The following ASIC2 variants were observed in gnomAD, a reference collection of about 807,000 sequenced individuals.
ASIC2 encodes acid sensing ion channel subunit 2, also known as acid-sensing ion channel 2.
A neutral mutation model predicts 57.3 loss-of-function variants in ASIC2; 25 were observed. The observed-to-expected ratio is 0.44, with a 90% CI of 0.32 to 0.61. The LOEUF is 0.61. Among genes scored for constraint, ASIC2 ranks in the 20% least tolerant of loss-of-function variants. The pLI is 0.06. For synonymous variants in ASIC2, 319 were observed against 307.5 expected, an observed-to-expected ratio of 1.04 and a Z score of -0.39; for missense variants, 641 against 738.1, an observed-to-expected ratio of 0.87 and a Z score of 1.52.
chr17:33,997,133 T>A (rs1906185737), intron 1 of ASIC2, among the ~76,000 whole-genome samples: 1 of 151,778 alleles, frequency 6.6e-6, no homozygotes, highest in Non-Finnish European at 1.5e-5. Flanking sequence ...CTAAATTTAT[T>A]TATTTATTTT....
In ASIC2 at chr17:33,494,310, C is replaced by T. The variant is rs115330274; in HGVS notation, c.556-382243G>A. Reference sequence around the variant, plus strand: ...AGACAGTGACTTCTGAGATGAGGGCCTGTTAATAGGTGACTCCTCCATCAT... The same window carrying T: ...AGACAGTGACTTCTGAGATGAGGGCTTGTTAATAGGTGACTCCTCCATCAT... On this transcript the variant is annotated intron_variant, in intron 1 of 9. Transcript: ENST00000359872. Among the ~76,000 whole-genome samples the T allele has an allele frequency of 5.2e-3, 793 of 152,290 alleles. 8 individuals are homozygous for T. Among genetic ancestry groups the T allele is most frequent in the African/African-American group, 0.018 (768 of 41,550 alleles).
intron 1 of ASIC2, among the ~76,000 whole-genome samples, chr17:34,034,936 C>A (rs1311162539): frequency 6.6e-6 from 1 of 152,014 alleles, no homozygotes; most frequent in Non-Finnish European, 1.5e-5. Context: ...GGCCATACTG[C>A]CCAAGGTAAT....
chr17:33,494,914 G>A (rs192097369), intron 1 of ASIC2, among the ~76,000 whole-genome samples: 8 of 152,318 alleles, frequency 5.3e-5, no homozygotes, highest in African/African-American at 1.9e-4. Flanking sequence ...GATCCTGGTG[G>A]CCTCTGACCT....
At chr17:34,012,904 AAC>A (rs1348241842) in intron 1 of ASIC2, among the ~76,000 whole-genome samples, 1 of 152,218 alleles carries the variant, frequency 6.6e-6, no homozygotes, top group Non-Finnish European at 1.5e-5. Context: ...GACACCTAGC[AAC>A]AGTTGCCATG....
At chr17:33,270,267 G>T (rs1904431732) in intron 1 of ASIC2, among the ~76,000 whole-genome samples, 1 of 152,112 alleles carries the variant, frequency 6.6e-6, no homozygotes, top group Admixed American at 6.5e-5. Flanking sequence ...ATTTTGAAAT[G>T]ATAAGCCTCC....
chr17:33,823,882 T>C (rs974640891), intron 1 of ASIC2, among the ~76,000 whole-genome samples: 4 of 152,222 alleles, frequency 2.6e-5, no homozygotes, highest in African/African-American at 9.6e-5. Flanking sequence ...GTGTCTGATC[T>C]GTTGAGGCTG....
intron 1 of ASIC2, among the ~76,000 whole-genome samples, chr17:34,146,327 T>C (rs183154080): frequency 3.3e-5 from 5 of 152,308 alleles, no homozygotes; most frequent in African/African-American, 7.2e-5. Context: ...GCCTAGACTA[T>C]TGTCCATGTT....
chr17:33,578,991 A>T (rs1916753126), intron 1 of ASIC2, among the ~76,000 whole-genome samples: 1 of 152,028 alleles, frequency 6.6e-6, no homozygotes, highest in South Asian at 2.1e-4. Context: ...GCGGTTATAG[A>T]ATGCAGGTTA....
At chr17:33,911,080 A>G (rs1411847166) in intron 1 of ASIC2, among the ~76,000 whole-genome samples, 4 of 152,240 alleles carry the variant, frequency 2.6e-5, no homozygotes, top group Non-Finnish European at 4.4e-5. Flanking sequence ...GCGAGCGCCT[A>G]TTGGGAATAA....
intron 1 of ASIC2, among the ~76,000 whole-genome samples, chr17:33,797,923 C>T (rs572748033): frequency 4.6e-5 from 7 of 152,282 alleles, no homozygotes; most frequent in African/African-American, 1.7e-4. Context: ...GACTAGCCCC[C>T]ACACATAGGC....
chr17:33,193,537 A>C (rs781048641), intron 1 of ASIC2, among the ~76,000 whole-genome samples: 3 of 152,130 alleles, frequency 2.0e-5, no homozygotes, highest in African/African-American at 4.8e-5. Context: ...TGGAATCTGC[A>C]CCCACCATGC....
intron 1 of ASIC2, among the ~76,000 whole-genome samples, chr17:33,923,696 T>C (rs563521415): frequency 1.3e-5 from 2 of 152,174 alleles, no homozygotes; most frequent in African/African-American, 4.8e-5. Flanking sequence ...TAATGTCAGT[T>C]GGAAAGGGAA....
intron 1 of ASIC2, among the ~76,000 whole-genome samples, chr17:33,617,707 G>A (rs1905651217): frequency 6.6e-6 from 1 of 152,082 alleles, no homozygotes; most frequent in African/African-American, 2.4e-5. Context: ...TGAAATAAAT[G>A]GTACTTGCAT....
intron 1 of ASIC2, among the ~76,000 whole-genome samples, chr17:34,096,856 CAAAAAAAAAAAAAA>C (rs71286247): frequency 3.7e-4 from 11 of 30,112 alleles, no homozygotes; most frequent in Admixed American, 8.3e-4. Flanking sequence ...GACTCCATCT[CAAAAAAAAAAAAAA>C]AAAAAAAAAA....
intron 3 of ASIC2, among the ~76,000 whole-genome samples, chr17:33,073,776 A>G (rs913671391): frequency 6.6e-6 from 1 of 152,228 alleles, no homozygotes; most frequent in Non-Finnish European, 1.5e-5. Flanking sequence ...AAACTGGGCT[A>G]GAGATGATCA....
chr17:33,640,386 C>T (rs372646184), intron 1 of ASIC2, among the ~76,000 whole-genome samples: 4 of 152,240 alleles, frequency 2.6e-5, no homozygotes, highest in South Asian at 2.1e-4. Flanking sequence ...AGTCACGAAT[C>T]GAAACATGTT....
intron 1 of ASIC2, among the ~76,000 whole-genome samples, chr17:33,713,894 G>A (rs1909131109): frequency 6.6e-6 from 1 of 152,226 alleles, no homozygotes; most frequent in Non-Finnish European, 1.5e-5. Context: ...AGACATCAAA[G>A]CAAACTAGTT....
At chr17:33,161,334 G>C (rs1463889161) in intron 1 of ASIC2, among the ~76,000 whole-genome samples, 23 of 152,088 alleles carry the variant, frequency 1.5e-4, no homozygotes, top group Non-Finnish European at 5.9e-5. Flanking sequence ...AACCTAATTT[G>C]TTCCCACTAC....
chr17:33,485,185 G>A, intron 1 of ASIC2, among the ~76,000 whole-genome samples: 1 of 152,250 alleles, frequency 6.6e-6, no homozygotes, highest in East Asian at 1.9e-4. Flanking sequence ...AAGACTATTG[G>A]CTCCTAAGAG....
Sources: gnomAD v4.1 joint callset for allele counts (sites outside exome capture counted in the v4.1 genomes callset) on GRCh38, gnomAD v4.1.1 for gene constraint, MANE v1.5 for transcripts, NCBI Gene and HGNC (gene_info 2026-07-23, HGNC 2026-07-21) for gene names.